Variants in GASK1B observed in about 807,000 individuals in gnomAD.
GASK1B encodes the protein Golgi-associated kinase 1B.
In GASK1B, 34 loss-of-function variants were observed where a neutral mutation model predicts 42.8. That is an observed-to-expected ratio of 0.79 (90% CI 0.60 to 1.06). The LOEUF is 1.06. Ranked by LOEUF, GASK1B falls within the 50% of genes least tolerant of loss-of-function variation. The pLI is 0.00. For missense variants in GASK1B, 686 were observed against 661.0 expected, an observed-to-expected ratio of 1.04 and a Z score of -0.42; for synonymous variants, 262 against 259.1, an observed-to-expected ratio of 1.01 and a Z score of -0.11.
chr4:158,141,611 T>A (rs1359562878), intron 3 of GASK1B, among the ~76,000 whole-genome samples: 2 of 128,356 alleles, frequency 1.6e-5, no homozygotes, highest in Non-Finnish European at 3.4e-5. Flanking sequence ...TTTTTTTTTT[T>A]TTTTTTTTTT....
chr4:158,139,174 C>T (rs75281734), intron 3 of GASK1B, among the ~76,000 whole-genome samples: 8,773 of 152,224 alleles, frequency 0.058, 351 homozygotes, highest in Middle Eastern at 0.095. Flanking sequence ...GCCTGCCTAC[C>T]ACGATGCTTC....
At chr4:158,154,371 G>A (rs182371338) in intron 3 of GASK1B, among the ~76,000 whole-genome samples, 107 of 152,224 alleles carry the variant, frequency 7.0e-4, no homozygotes, top group Non-Finnish European at 1.1e-3. Context: ...AGATGTTGGC[G>A]TGGATGTGGT....
intron 4 of GASK1B, among the ~76,000 whole-genome samples, chr4:158,128,985 T>C (rs1393756373): frequency 2.0e-5 from 3 of 152,174 alleles, no homozygotes; most frequent in Admixed American, 1.3e-4. Context: ...GTTAAAACCA[T>C]TAGATCTCTT....
Position 158,124,746 on chromosome 4 carries a change from CTCTT to C in GASK1B, c.*2657_*2660del, listed in dbSNP as rs1412167964. On this transcript the variant is annotated 3_prime_UTR_variant, in exon 5 of 5. Transcript: ENST00000585682. ...ACACAATCCAACAAAATTCTTGACT[CTCTT>C]TCTTTTTTCACCGCTAAAGGTAGCA... The C allele has an allele frequency of 2.6e-5, 4 of 152,116 alleles. No homozygotes were observed. The highest frequency in any genetic ancestry group is 1.9e-4 in the East Asian group (1 of 5,192). The allele number at this position is 152,116 out of a possible 1,614,324, so 9.4% of individuals were successfully genotyped here.
intron 3 of GASK1B, among the ~76,000 whole-genome samples, chr4:158,150,383 C>G (rs1263770895): frequency 1.3e-5 from 2 of 152,050 alleles, no homozygotes; most frequent in African/African-American, 4.8e-5. Flanking sequence ...GGGGGGTTTC[C>G]TAAGCTTAGA....
intron 3 of GASK1B, among the ~76,000 whole-genome samples, chr4:158,142,589 G>A (rs965135011): frequency 6.6e-6 from 1 of 152,124 alleles, no homozygotes; most frequent in African/African-American, 2.4e-5. Flanking sequence ...AAGAATCAAT[G>A]ATATAATTAA....
chr4:158,158,998 C>A (rs1731865102), intron 2 of GASK1B, among the ~76,000 whole-genome samples: 1 of 151,928 alleles, frequency 6.6e-6, no homozygotes, highest in Admixed American at 6.6e-5. Flanking sequence ...TTTTAGATCA[C>A]CAAATTTTTG....
At chr4:158,170,310 G>A in intron 2 of GASK1B, 156 bp downstream of exon 2, 1 of 1,614,238 alleles carries the variant, frequency 6.2e-7, no homozygotes, top group East Asian at 2.2e-5. Flanking sequence ...GGAAAATAAA[G>A]AATGCCAAGC....
At chr4:158,165,225 C>G (rs1437556695) in intron 2 of GASK1B, among the ~76,000 whole-genome samples, 1 of 152,224 alleles carries the variant, frequency 6.6e-6, no homozygotes, top group African/African-American at 2.4e-5. Flanking sequence ...GGCAAAGCTG[C>G]TAAATCAAAG....
intron 3 of GASK1B, among the ~76,000 whole-genome samples, chr4:158,141,758 C>T (rs1037544264): frequency 6.7e-6 from 1 of 150,106 alleles, no homozygotes; most frequent in East Asian, 2.0e-4. Flanking sequence ...AGGCGCCCAC[C>T]ACCACGCCAG....
chr4:158,126,859 C>T lies in GASK1B; in HGVS notation c.*548G>A, dbSNP rs566936045. 7.2e-5 allele frequency: 11 copies of T among 152,084 alleles called. No homozygotes were observed. Among genetic ancestry groups the T allele is most frequent in the Admixed American group, 5.2e-4 (8 of 15,254 alleles). 9.4% of individuals were successfully genotyped at this position (152,084 alleles called of 1,614,324 possible). A position where few individuals can be genotyped will look rare whatever the true frequency, so the allele number is the denominator to read the frequency against. On this transcript the variant is annotated 3_prime_UTR_variant, in exon 5 of 5. Coordinates refer to ENST00000585682, the MANE Select transcript of GASK1B (RefSeq NM_001128424.2). ...ATATACTGGTGATTTTGCAAATAAA[C>T]CAGCATTTCTGTTTAAATGTATGGT...
intron 3 of GASK1B, 32 bp from the exon 4 acceptor site, chr4:158,131,044 T>C (rs1407175640): frequency 1.3e-6 from 2 of 1,571,434 alleles, no homozygotes; most frequent in East Asian, 4.5e-5. Context: ...TCCAAGATGC[T>C]GAGTGAAAAC....
intron 2 of GASK1B, among the ~76,000 whole-genome samples, chr4:158,163,692 A>G (rs1346616917): frequency 6.6e-6 from 1 of 152,120 alleles, no homozygotes; most frequent in Non-Finnish European, 1.5e-5. Flanking sequence ...TTTTATTGTC[A>G]TTATCCCTAT....
intron 3 of GASK1B, among the ~76,000 whole-genome samples, chr4:158,137,510 T>A (rs7695599): frequency 0.88 from 133,980 of 152,224 alleles, 60,200 homozygotes; most frequent in East Asian, 0.98. Context: ...AAATCCCTTT[T>A]CATGAATTTG....
At chr4:158,145,325 T>A (rs1257358927) in intron 3 of GASK1B, among the ~76,000 whole-genome samples, 2 of 152,180 alleles carry the variant, frequency 1.3e-5, no homozygotes, top group African/African-American at 2.4e-5. Flanking sequence ...CAGGTAAGAA[T>A]TAGGAGGACA....
rs1164619121 is a variant in GASK1B at position 158,124,796 on chromosome 4, T to A, written c.*2611A>T. On this transcript the variant is annotated 3_prime_UTR_variant, in exon 5 of 5. Coordinates refer to ENST00000585682, the MANE Select transcript of GASK1B (RefSeq NM_001128424.2). ...TAGCAAACATTCCTCTGTACCTAGC[T>A]CTGAAAACACATCTACAAAAGCAAA... The A allele has an allele frequency of 1.3e-5, 2 of 152,160 alleles. No homozygotes were observed. Among genetic ancestry groups the A allele is most frequent in the African/African-American group, 2.4e-5 (1 of 41,454 alleles). The allele number at this position is 152,160 out of a possible 1,614,324, so 9.4% of individuals were successfully genotyped here. A position where few individuals can be genotyped will look rare whatever the true frequency, so the allele number is the denominator to read the frequency against.
chr4:158,133,855 A>T (rs962328040), intron 3 of GASK1B, among the ~76,000 whole-genome samples: 5 of 152,054 alleles, frequency 3.3e-5, no homozygotes, highest in African/African-American at 1.2e-4. Context: ...AAATGTTGCC[A>T]CTAATTTTTT....
chr4:158,130,689 G>T (rs527409845), intron 4 of GASK1B, 97 bp downstream of exon 4: 2 of 911,646 alleles, frequency 2.2e-6, no homozygotes, highest in East Asian at 2.6e-5. Context: ...TATTTTCAAG[G>T]GTTAAAATGA....
In GASK1B at chr4:158,127,501, A is replaced by G. The variant is rs774545799; in HGVS notation, c.1466T>C (p.Ile489Thr). Residue 489 changes from isoleucine to threonine, a missense_variant, in exon 5 of 5, where the codon ATT becomes ACT. Coordinates refer to ENST00000585682, the MANE Select transcript of GASK1B (RefSeq NM_001128424.2). ...TTCTATTACATCGATAAGCTTTTCA[A>G]TTCCTTGTCTACCTCCTTGACTTTC... ...YWESQGGRQG[I>T]EKLIDVIEHR... The G allele has an allele frequency of 6.2e-7, 1 of 1,613,810 alleles. No homozygotes were observed. The highest frequency in any genetic ancestry group is 8.5e-7 in the Non-Finnish European group (1 of 1,179,802).
Sources: gnomAD v4.1 joint callset for allele counts (sites outside exome capture counted in the v4.1 genomes callset) on GRCh38, gnomAD v4.1.1 for gene constraint, MANE v1.5 for transcripts, NCBI Gene and HGNC (gene_info 2026-07-23, HGNC 2026-07-21) for gene names.